Variants in PREX1 observed in about 807,000 individuals in gnomAD.
PREX1 encodes phosphatidylinositol 3,4,5-trisphosphate-dependent Rac exchanger 1 protein.
A neutral mutation model predicts 198.3 loss-of-function variants in PREX1; 41 were observed. That is an observed-to-expected ratio of 0.21 (90% CI 0.16 to 0.27). The LOEUF is 0.27. PREX1 is among the 10% of genes least tolerant of loss of function. The pLI is 1.00. For missense variants in PREX1, 1,620 were observed against 2,200.7 expected, an observed-to-expected ratio of 0.74 and a Z score of 5.28; for synonymous variants, 843 against 887.2, an observed-to-expected ratio of 0.95 and a Z score of 0.89.
chr20:48,782,289 G>A (rs1271122702), intron 1 of PREX1, among the ~76,000 whole-genome samples: 2 of 152,114 alleles, frequency 1.3e-5, no homozygotes, highest in African/African-American at 4.8e-5. Flanking sequence ...TCCCCCATGC[G>A]GTTCTCGTGG....
At chr20:48,628,103 T>C in intron 37 of PREX1, 140 bp from the exon 38 acceptor site, 1 of 637,026 alleles carries the variant, frequency 1.6e-6, no homozygotes. Flanking sequence ...ATCCTGACCA[T>C]CACGGCAACG....
At chr20:48,642,036 A>C in intron 29 of PREX1, 132 bp downstream of exon 29, 2 of 903,572 alleles carry the variant, frequency 2.2e-6, no homozygotes, top group African/African-American at 1.6e-5. Context: ...CCATGGGCTA[A>C]AATCGCTGTC....
chr20:48,740,033 G>A (rs1601106664), intron 3 of PREX1, among the ~76,000 whole-genome samples: 1 of 152,276 alleles, frequency 6.6e-6, no homozygotes, highest in East Asian at 1.9e-4. Context: ...GGGGGTGAGG[G>A]ACTCTTCCCC....
chr20:48,651,249 G>A, intron 22 of PREX1, 147 bp downstream of exon 22: 1 of 1,324,446 alleles, frequency 7.6e-7, no homozygotes, highest in Non-Finnish European at 1.0e-6. Context: ...CCTAGTGGTG[G>A]GACAAGGACC....
chr20:48,829,109 G>C (rs8122038), upstream of PREX1, among the ~76,000 whole-genome samples: 1,534 of 152,306 alleles, frequency 0.01, 20 homozygotes, highest in African/African-American at 0.034. Flanking sequence ...TTAGCACCTA[G>C]AAAGTTCTCT....
At chr20:48,855,852 G>A in the PREX1 span, among the ~76,000 whole-genome samples, 1 of 152,218 alleles carries the variant, frequency 6.6e-6, no homozygotes, top group East Asian at 1.9e-4. Flanking sequence ...AGTGAGCCAA[G>A]ATCATACCAC....
chr20:48,690,484 C>T (rs1255961818), intron 9 of PREX1, among the ~76,000 whole-genome samples: 1 of 152,124 alleles, frequency 6.6e-6, no homozygotes, highest in Non-Finnish European at 1.5e-5. Context: ...ACGCCCACCC[C>T]CAAGCCCACC....
In PREX1 at chr20:48,759,549, CAAAAAAA is replaced by C. The variant is rs386393896; in HGVS notation, c.220-11676_220-11670del. Reference sequence around the variant, plus strand: ...TGGGTAACAGAGCAAGATTCCATCTCAAAAAAAAAAAAAAAAAAAGAAAAGAAAGAAA... The same window carrying C: ...TGGGTAACAGAGCAAGATTCCATCTCAAAAAAAAAAAAGAAAAGAAAGAAA... On this transcript the variant is annotated intron_variant, in intron 1 of 39. Coordinates refer to ENST00000371941, the MANE Select transcript of PREX1 (RefSeq NM_020820.4). Among the ~76,000 whole-genome samples, 297 of 73,952 alleles carry C rather than the reference CAAAAAAA, an allele frequency of 4.0e-3. 2 individuals carry two copies. Among genetic ancestry groups the C allele is most frequent in the African/African-American group, 0.017 (286 of 16,950 alleles). 48.5% of individuals were successfully genotyped at this position (73,952 alleles called of 152,430 possible).
the PREX1 span, among the ~76,000 whole-genome samples, chr20:48,841,474 A>T: frequency 1.3e-5 from 2 of 152,082 alleles, no homozygotes; most frequent in Admixed American, 6.5e-5. Flanking sequence ...AAAAAGAGAC[A>T]TCTCCTTTCT....
At chr20:48,688,848 G>A in intron 9 of PREX1, 44 bp from the exon 10 acceptor site, 1 of 1,611,240 alleles carries the variant, frequency 6.2e-7, no homozygotes, top group Non-Finnish European at 8.5e-7. Flanking sequence ...ACCAGGCCCA[G>A]GGCAGGGGGG....
intron 10 of PREX1, among the ~76,000 whole-genome samples, chr20:48,682,764 A>T (rs1170371812): frequency 2.0e-5 from 3 of 152,030 alleles, no homozygotes. Context: ...ACCCACTCAA[A>T]CTCAGCAGGA....
intron 1 of PREX1, among the ~76,000 whole-genome samples, chr20:48,802,444 A>G (rs755889926): frequency 1.3e-5 from 2 of 151,624 alleles, no homozygotes; most frequent in Non-Finnish European, 2.9e-5. Context: ...TGCACAGGCT[A>G]CTCTTCCTGC....
the PREX1 span, among the ~76,000 whole-genome samples, chr20:48,886,702 G>A: frequency 6.6e-6 from 1 of 152,222 alleles, no homozygotes; most frequent in Non-Finnish European, 1.5e-5. Context: ...GCTTGTGTCT[G>A]CACTCTTCTT....
chr20:48,628,126 G>A (rs371495516), intron 37 of PREX1, among the ~76,000 whole-genome samples, 163 bp from the exon 38 acceptor site: 5 of 151,994 alleles, frequency 3.3e-5, no homozygotes, highest in African/African-American at 9.7e-5. Flanking sequence ...TCCTCCTGCC[G>A]TCCCTCCCCG....
intron 1 of PREX1, among the ~76,000 whole-genome samples, chr20:48,792,853 C>CAT (rs1555845889): frequency 0.014 from 2,077 of 145,330 alleles, 56 homozygotes; most frequent in Middle Eastern, 0.039. Context: ...CACACACACA[C>CAT]ATAGTATGAT....
At chr20:48,725,199 A>G (rs1454068200) in intron 5 of PREX1, among the ~76,000 whole-genome samples, 1 of 152,174 alleles carries the variant, frequency 6.6e-6, no homozygotes, top group Admixed American at 6.5e-5. Context: ...AAAAATACAC[A>G]AACCCCTGTG....
intron 14 of PREX1, among the ~76,000 whole-genome samples, chr20:48,671,070 A>C (rs1161826502): frequency 6.6e-6 from 1 of 152,222 alleles, no homozygotes; most frequent in African/African-American, 2.4e-5. Context: ...AATAGTGCCT[A>C]GCAAGCCACC....
intron 9 of PREX1, 85 bp downstream of exon 9, chr20:48,690,861 GC>G: frequency 6.4e-7 from 1 of 1,571,046 alleles, no homozygotes. Flanking sequence ...AGGACCCTAT[GC>G]CCCTTCCCTA....
intron 25 of PREX1, among the ~76,000 whole-genome samples, chr20:48,647,234 G>A (rs1182358131): frequency 6.6e-6 from 1 of 152,076 alleles, no homozygotes; most frequent in Non-Finnish European, 1.5e-5. Context: ...GCTCAGAACA[G>A]TGTCTCTGCT....
Sources: allele counts gnomAD v4.1 joint callset (sites outside exome capture counted in the v4.1 genomes callset), GRCh38; gene constraint gnomAD v4.1.1; transcripts MANE v1.5; gene names NCBI Gene and HGNC (gene_info 2026-07-23, HGNC 2026-07-21).